The following EPHA3 variants were observed in gnomAD, a reference collection of about 807,000 sequenced individuals.
EPHA3 encodes the protein EPH receptor A3, also known as ephrin type-A receptor 3.
EPHA3 carries 42 observed loss-of-function variants against 107.1 expected under a neutral mutation model. The ratio of observed to expected loss-of-function variants is 0.39; its 90% CI spans 0.31 to 0.51. The LOEUF is 0.51. Among genes scored for constraint, EPHA3 ranks in the 20% least tolerant of loss-of-function variants. The pLI, the probability that EPHA3 is intolerant of heterozygous loss-of-function variation, is 0.78. For synonymous variants in EPHA3, 461 were observed against 424.8 expected, an observed-to-expected ratio of 1.09 and a Z score of -1.05; for missense variants, 1,183 against 1,211.2, an observed-to-expected ratio of 0.98 and a Z score of 0.35.
chr3:89,365,026 T>C (rs1336154240), intron 5 of EPHA3, among the ~76,000 whole-genome samples: 1 of 151,040 alleles, frequency 6.6e-6, no homozygotes, highest in Non-Finnish European at 1.5e-5. Context: ...TGATAATTGA[T>C]ACCTACTTTC....
At chr3:89,414,850 A>T (rs1462351496) in intron 10 of EPHA3, among the ~76,000 whole-genome samples, 1 of 151,604 alleles carries the variant, frequency 6.6e-6, no homozygotes, top group African/African-American at 2.4e-5. Context: ...GTCTATTTAT[A>T]CTGAATCACT....
At chr3:89,280,792 T>C (rs1284291123) in intron 3 of EPHA3, among the ~76,000 whole-genome samples, 1 of 152,122 alleles carries the variant, frequency 6.6e-6, no homozygotes, top group Non-Finnish European at 1.5e-5. Flanking sequence ...TATCTTGCTA[T>C]CTATGAGTAG....
chr3:89,205,313 T>C (rs1706072541), intron 2 of EPHA3, among the ~76,000 whole-genome samples: 1 of 152,196 alleles, frequency 6.6e-6, no homozygotes, highest in Non-Finnish European at 1.5e-5. Flanking sequence ...ATAATAGTTA[T>C]TAGGTAAATG....
chr3:89,247,574 G>C (rs993893342), intron 3 of EPHA3, among the ~76,000 whole-genome samples: 2 of 152,032 alleles, frequency 1.3e-5, no homozygotes, highest in African/African-American at 4.8e-5. Context: ...GAACCCAAAA[G>C]TACATAGGAT....
intron 3 of EPHA3, among the ~76,000 whole-genome samples, chr3:89,333,866 A>G (rs1220636843): frequency 1.3e-5 from 2 of 151,424 alleles, no homozygotes; most frequent in Admixed American, 1.3e-4. Context: ...GCAGAGCAAG[A>G]CTCCATCTCA....
intron 9 of EPHA3, among the ~76,000 whole-genome samples, chr3:89,408,787 A>T (rs2107517926): frequency 6.6e-6 from 1 of 152,170 alleles, no homozygotes; most frequent in African/African-American, 2.4e-5. Context: ...GGCTCAGCTT[A>T]GTGTGGCAAT....
chr3:89,425,900 A>G (rs1174149483), intron 11 of EPHA3, among the ~76,000 whole-genome samples: 1 of 151,558 alleles, frequency 6.6e-6, no homozygotes, highest in Non-Finnish European at 1.5e-5. Context: ...GCCACTGGGG[A>G]TAGTTGGGAA....
At position 89,380,162 on chromosome 3, in the gene EPHA3, A is replaced by G. The variant is rs146991069; in HGVS notation, c.1307-15675A>G. Among the ~76,000 whole-genome samples, 71 of 152,338 alleles carry G rather than the reference A, an allele frequency of 4.7e-4. No homozygotes were observed. The East Asian group carries it at 8.9e-3, about 19-fold the overall frequency. On this transcript the variant is annotated intron_variant, in intron 5 of 16. Transcript: ENST00000336596. ...CCACCATATTAAAAAAATTTTGAAGAGAGATAATTCCTTTTGAAAACTCAT... is the reference window on the plus strand; with the variant it reads ...CCACCATATTAAAAAAATTTTGAAGGGAGATAATTCCTTTTGAAAACTCAT...
At chr3:89,233,269 G>A (rs1348688578) in intron 3 of EPHA3, among the ~76,000 whole-genome samples, 1 of 151,994 alleles carries the variant, frequency 6.6e-6, no homozygotes, top group African/African-American at 2.4e-5. Flanking sequence ...CTTGTTCATG[G>A]GTAACTATTT....
intron 5 of EPHA3, among the ~76,000 whole-genome samples, chr3:89,370,272 G>GAT (rs1334873908): frequency 1.3e-5 from 2 of 151,398 alleles, no homozygotes; most frequent in African/African-American, 4.8e-5. Flanking sequence ...GTCCAACAAT[G>GAT]ATAGACTGGA....
chr3:89,362,441 G>T (rs1243404730), intron 5 of EPHA3, among the ~76,000 whole-genome samples: 2 of 151,000 alleles, frequency 1.3e-5, no homozygotes, highest in Admixed American at 1.3e-4. Context: ...TTGGCGCCAG[G>T]CAGCTGCTTT....
chr3:89,190,997 G>T (rs1401719291), intron 2 of EPHA3, among the ~76,000 whole-genome samples: 1 of 151,998 alleles, frequency 6.6e-6, no homozygotes, highest in African/African-American at 2.4e-5. Flanking sequence ...AATTTTGGGG[G>T]TATATGATTC....
intron 7 of EPHA3, among the ~76,000 whole-genome samples, chr3:89,403,948 T>G (rs1239926814): frequency 6.6e-6 from 1 of 152,148 alleles, no homozygotes; most frequent in African/African-American, 2.4e-5. Context: ...AAACAAATAG[T>G]CCGTAATTTG....
chr3:89,180,896 A>G (rs1366898897), intron 2 of EPHA3, among the ~76,000 whole-genome samples: 1 of 151,976 alleles, frequency 6.6e-6, no homozygotes, highest in African/African-American at 2.4e-5. Flanking sequence ...AGGAGCTAAA[A>G]TAATTTCCAG....
intron 13 of EPHA3, among the ~76,000 whole-genome samples, chr3:89,443,914 A>AAGGGT (rs1553694578): frequency 6.6e-6 from 1 of 152,200 alleles, no homozygotes; most frequent in Non-Finnish European, 1.5e-5. Context: ...AGTTACAGAA[A>AAGGGT]AAAGGAAAAA....
intron 5 of EPHA3, among the ~76,000 whole-genome samples, chr3:89,384,052 G>T (rs188391256): frequency 6.6e-6 from 1 of 152,110 alleles, no homozygotes; most frequent in Non-Finnish European, 1.5e-5. Flanking sequence ...TTCAATAGTT[G>T]TCCCTCCTCG....
chr3:89,232,356 C>A (rs190010772), intron 3 of EPHA3, among the ~76,000 whole-genome samples: 1 of 151,900 alleles, frequency 6.6e-6, no homozygotes, highest in South Asian at 2.1e-4. Flanking sequence ...GCCAGGCTGG[C>A]GGAGGCGGGA....
intron 7 of EPHA3, among the ~76,000 whole-genome samples, chr3:89,405,949 C>A (rs1007874542): frequency 1.3e-5 from 2 of 151,990 alleles, no homozygotes; most frequent in African/African-American, 2.4e-5. Context: ...TGCATCTTAT[C>A]CTGAAAGTTA....
At chr3:89,187,253 G>C (rs1559591181) in intron 2 of EPHA3, among the ~76,000 whole-genome samples, 1 of 149,424 alleles carries the variant, frequency 6.7e-6, no homozygotes, top group East Asian at 2.0e-4. Flanking sequence ...ATATTAATAA[G>C]TAATTAATAT....
Sources: gnomAD v4.1 joint callset for allele counts (sites outside exome capture counted in the v4.1 genomes callset) on GRCh38, gnomAD v4.1.1 for gene constraint, MANE v1.5 for transcripts, NCBI Gene and HGNC (gene_info 2026-07-23, HGNC 2026-07-21) for gene names.